The following ANKRD12 variants were observed in gnomAD, a reference collection of about 807,000 sequenced individuals.
ANKRD12 encodes ankyrin repeat domain 12.
Under a neutral mutation model 183.4 loss-of-function variants are expected in ANKRD12, and 85 were observed. The ratio of observed to expected loss-of-function variants is 0.46; its 90% CI spans 0.39 to 0.56. ANKRD12 has a LOEUF of 0.56. Ranked by LOEUF, ANKRD12 falls within the 20% of genes least tolerant of loss-of-function variation. ANKRD12 has a pLI of 0.00. For missense variants in ANKRD12, 2,405 were observed against 2,357.1 expected (o/e 1.02, Z -0.42); for synonymous variants, 914 against 800.2 (o/e 1.14, Z -2.40).
chr18:9,201,694 A>T (rs944109021), intron 3 of ANKRD12, among the ~76,000 whole-genome samples: 1 of 152,212 alleles, frequency 6.6e-6, no homozygotes, highest in Non-Finnish European at 1.5e-5. Flanking sequence ...GTAGAGATAA[A>T]CCAGTAGTCC....
intron 8 of ANKRD12, among the ~76,000 whole-genome samples, chr18:9,230,655 C>CTTTTTTTTTT (rs113527070): frequency 6.9e-6 from 1 of 145,722 alleles, no homozygotes; most frequent in Non-Finnish European, 1.5e-5. Context: ...CTACTTTCTT[C>CTTTTTTTTTT]TTTTTTTTTT....
At chr18:9,267,756 A>C (rs578166153) in intron 10 of ANKRD12, among the ~76,000 whole-genome samples, 1 of 152,352 alleles carries the variant, frequency 6.6e-6, no homozygotes, top group African/African-American at 2.4e-5. Flanking sequence ...GCAGAAGGCA[A>C]GAAATAACTA....
chr18:9,252,806 A>T (rs1367390405), intron 8 of ANKRD12, among the ~76,000 whole-genome samples: 1 of 152,222 alleles, frequency 6.6e-6, no homozygotes, highest in Non-Finnish European at 1.5e-5. Flanking sequence ...TCTACCAAAA[A>T]TACAAAAAAT....
In ANKRD12 at chr18:9,221,998, A is replaced by C; in HGVS notation, c.942A>C (p.Thr314=). 6.2e-7 allele frequency: 1 copy of C among 1,613,590 alleles called. No individual in the cohort carries two copies. Among genetic ancestry groups the C allele is most frequent in the Non-Finnish European group, 8.5e-7 (1 of 1,179,722 alleles). The change falls in exon 8 of 13, where the codon ACA becomes ACC. Residue 314 remains threonine (T), a splice_region_variant and synonymous_variant. Coordinates refer to ENST00000262126, the MANE Select transcript of ANKRD12 (RefSeq NM_015208.5). The part of the protein sequence containing the change: ...VPLSDDDESY[T]DSEEAQSVNP... Reference sequence around the variant, plus strand: ...TATCTGATGATGATGAAAGTTACACAGGTTTGTTTCAGATAATCTACATTC... The same window carrying C: ...TATCTGATGATGATGAAAGTTACACCGGTTTGTTTCAGATAATCTACATTC...
rs780648791 is a variant in ANKRD12 at position 9,214,235 on chromosome 18, A to T, written c.652+2451A>T. Among the ~76,000 whole-genome samples, 11 of 152,264 alleles carry T rather than the reference A, an allele frequency of 7.2e-5. No homozygotes were observed. The Middle Eastern group carries it at 0.01, about 141-fold the overall frequency. ...TCTGTTCTATCACTTACTACCATAA[A>T]ATATACACAAATCTGTTCTAAAAAG... On this transcript the variant is annotated intron_variant, in intron 6 of 12. Transcript: ENST00000262126.
chr18:9,191,019 ACTT>A (rs1246115844), intron 2 of ANKRD12, among the ~76,000 whole-genome samples: 1 of 152,108 alleles, frequency 6.6e-6, no homozygotes, highest in Non-Finnish European at 1.5e-5. Context: ...TTTTCTGGAT[ACTT>A]CTTTTACCAT....
chr18:9,231,269 G>A (rs2037029311), intron 8 of ANKRD12, among the ~76,000 whole-genome samples: 1 of 152,042 alleles, frequency 6.6e-6, no homozygotes, highest in Non-Finnish European at 1.5e-5. Context: ...TAGGTCCTTT[G>A]GTCTGAAGTC....
chr18:9,264,745 A>C (rs549528380), intron 10 of ANKRD12, among the ~76,000 whole-genome samples: 1 of 150,790 alleles, frequency 6.6e-6, no homozygotes, highest in African/African-American at 2.5e-5. Context: ...AATATAACAC[A>C]CATCAATAGC....
chr18:9,279,704 ACTCTACAGCTGTATTAGGGAG>A, intron 12 of ANKRD12, 60 bp downstream of exon 12: 1 of 956,086 alleles, frequency 1.0e-6, no homozygotes, highest in Non-Finnish European at 1.6e-6. Context: ...AAAAAAAAAA[ACTCTACAGCTGTATTAGGGAG>A]AAATAATTAG....
chr18:9,164,981 A>G (rs904138739), intron 1 of ANKRD12, among the ~76,000 whole-genome samples: 20 of 152,092 alleles, frequency 1.3e-4, no homozygotes, highest in Admixed American at 3.3e-4. Flanking sequence ...TGATTTGTCT[A>G]ATATTGTCAG....
Position 9,280,925 on chromosome 18 carries a change from C to T in ANKRD12, c.6004-16C>T, listed in dbSNP as rs1568013522. On this transcript the variant is annotated splice_polypyrimidine_tract_variant and intron_variant, in intron 12 of 12. Transcript: ENST00000262126. ...TTAACAGAATAATCAAGTAACTCTT[C>T]TCTTCTTTTAAATAGACCTGTCTTT... 2.5e-6 allele frequency: 4 copies of T among 1,595,646 alleles called. No individual in the cohort carries two copies. The African/African-American group carries it at 4.1e-5, about 16-fold the overall frequency.
intron 6 of ANKRD12, among the ~76,000 whole-genome samples, chr18:9,213,432 A>C (rs2035916875): frequency 6.6e-6 from 1 of 151,986 alleles, no homozygotes; most frequent in Non-Finnish European, 1.5e-5. Flanking sequence ...ATGAAGATTT[A>C]GTTGTAAGGA....
chr18:9,268,730 C>T (rs942522475), intron 10 of ANKRD12, among the ~76,000 whole-genome samples: 3 of 152,216 alleles, frequency 2.0e-5, no homozygotes, highest in Non-Finnish European at 2.9e-5. Flanking sequence ...CATGCTCTCT[C>T]TCACCACTCC....
chr18:9,193,510 GT>G (rs1019754086), intron 2 of ANKRD12, among the ~76,000 whole-genome samples: 2 of 150,576 alleles, frequency 1.3e-5, no homozygotes, highest in African/African-American at 2.4e-5. Context: ...AATCTCAGTG[GT>G]TTTTTTTTGT....
In ANKRD12 at chr18:9,281,959, C is replaced by T. The variant is rs1248738244; in HGVS notation, c.*833C>T. ...CTGCAGTAGTGTAAGGCATTTCATA[C>T]TAGTCTCCTCTAGTAGACCTGTGAC... On this transcript the variant is annotated 3_prime_UTR_variant, in exon 13 of 13. Transcript: ENST00000262126. 1 of 152,592 alleles carries T rather than the reference C, an allele frequency of 6.6e-6. No homozygotes were observed. Among genetic ancestry groups the T allele is most frequent in the East Asian group, 1.9e-4 (1 of 5,204 alleles). 9.5% of individuals were successfully genotyped at this position (152,592 alleles called of 1,614,324 possible).
chr18:9,242,420 C>T (rs2037715929), intron 8 of ANKRD12, among the ~76,000 whole-genome samples: 1 of 151,020 alleles, frequency 6.6e-6, no homozygotes, highest in Admixed American at 6.6e-5. Flanking sequence ...TTGGGCAGAA[C>T]ACCAAAAAAT....
At chr18:9,259,058 C>T in intron 9 of ANKRD12, 127 bp downstream of exon 9, 4 of 1,110,802 alleles carry the variant, frequency 3.6e-6, no homozygotes, top group South Asian at 1.9e-5. Context: ...GTCAGTGAGT[C>T]GAGATATAAA....
Position 9,255,831 on chromosome 18 carries a change from AAGAC to A in ANKRD12, c.2566_2569del (p.Asp856AsnfsTer2). The A allele has an allele frequency of 6.3e-7, 1 of 1,578,466 alleles. No individual in the cohort carries two copies. Among genetic ancestry groups the A allele is most frequent in the Non-Finnish European group, 8.5e-7 (1 of 1,170,416 alleles). The stretch of plus-strand genomic sequence containing the variant: ...ATAAAACATGAGCATAAGTCAGAAA[AAGAC>A]AAATTAGATCTTAGTGAATGTGTTG... On this transcript the variant is annotated frameshift_variant, in exon 9 of 13. Transcript: ENST00000262126. LOFTEE classifies it high-confidence loss of function.
rs902463936 is a variant in ANKRD12 at position 9,234,528 on chromosome 18, T to TA, written c.943+12530dup. On this transcript the variant is annotated intron_variant, in intron 8 of 12. Transcript: ENST00000262126. ...TTCCCTGGAGAATACTCTCTTGAGT[T>TA]AGAGTACCAGAAACCCCATAGCACC... is the stretch of plus-strand genomic sequence containing the variant. Among the ~76,000 whole-genome samples, 21 of 152,116 alleles carry TA rather than the reference T, an allele frequency of 1.4e-4. 1 individual carries two copies. The highest frequency in any genetic ancestry group is 4.6e-4 in the African/African-American group (19 of 41,432).
Sources: gnomAD v4.1 joint callset for allele counts (sites outside exome capture counted in the v4.1 genomes callset) on GRCh38, gnomAD v4.1.1 for gene constraint, MANE v1.5 for transcripts, NCBI Gene and HGNC (gene_info 2026-07-23, HGNC 2026-07-21) for gene names.